Variants in SUGCT observed in about 807,000 individuals in gnomAD.
SUGCT encodes succinyl-CoA:glutarate CoA-transferase.
Under a neutral mutation model 55.0 loss-of-function variants are expected in SUGCT, and 41 were observed. That is an observed-to-expected ratio of 0.74 (90% CI 0.58 to 0.97). The LOEUF (loss-of-function observed/expected upper bound fraction) is 0.97. SUGCT is among the 50% of genes least tolerant of loss of function. SUGCT has a pLI of 0.00. For missense variants in SUGCT, 568 were observed against 547.8 expected (o/e 1.04, Z -0.37); for synonymous variants, 187 against 200.4 (o/e 0.93, Z 0.56).
intron 12 of SUGCT, among the ~76,000 whole-genome samples, chr7:40,644,861 C>T (rs1347644652): frequency 4.6e-5 from 7 of 152,172 alleles, no homozygotes; most frequent in East Asian, 3.9e-4. Context: ...AGTTGCTTTG[C>T]GAGCCCAGCC....
At chr7:40,276,616 T>G (rs1792500159) in intron 8 of SUGCT, among the ~76,000 whole-genome samples, 1 of 152,172 alleles carries the variant, frequency 6.6e-6, no homozygotes, top group African/African-American at 2.4e-5. Flanking sequence ...ATGAGTATCA[T>G]AGAGTTTAAT....
chr7:40,424,045 A>G (rs903770784), intron 9 of SUGCT, among the ~76,000 whole-genome samples: 3 of 152,170 alleles, frequency 2.0e-5, no homozygotes, highest in Admixed American at 1.3e-4. Context: ...AAAGTGGTCA[A>G]TCTATCATAC....
At chr7:40,760,385 G>A (rs1788472794) in intron 13 of SUGCT, among the ~76,000 whole-genome samples, 1 of 152,262 alleles carries the variant, frequency 6.6e-6, no homozygotes, top group African/African-American at 2.4e-5. Context: ...GGTACTTAGA[G>A]TAGTCAAGGT....
chr7:40,858,627 G>C (rs1794322692), intron 13 of SUGCT, among the ~76,000 whole-genome samples: 1 of 152,252 alleles, frequency 6.6e-6, no homozygotes, highest in South Asian at 2.1e-4. Flanking sequence ...AGAGAGCAAT[G>C]AGTAAGGGTC....
the SUGCT span, among the ~76,000 whole-genome samples, chr7:40,995,766 C>G: frequency 6.6e-6 from 1 of 152,140 alleles, no homozygotes; most frequent in Non-Finnish European, 1.5e-5. Flanking sequence ...CCCTGGCAAT[C>G]CACCTACAGG....
At chr7:40,136,654 C>A (rs1357308110) in intron 1 of SUGCT, among the ~76,000 whole-genome samples, 2 of 152,154 alleles carry the variant, frequency 1.3e-5, no homozygotes, top group African/African-American at 4.8e-5. Context: ...TTATTAAATA[C>A]AGTAGTTCTG....
intron 1 of SUGCT, among the ~76,000 whole-genome samples, chr7:40,147,261 T>C (rs1788299168): frequency 6.6e-6 from 1 of 151,576 alleles, no homozygotes; most frequent in Admixed American, 6.6e-5. Flanking sequence ...ACTGGAGGTT[T>C]GTGTGAGGTT....
chr7:41,021,075 G>A, the SUGCT span, among the ~76,000 whole-genome samples: 7 of 152,220 alleles, frequency 4.6e-5, no homozygotes, highest in Non-Finnish European at 1.0e-4. Flanking sequence ...CAGAAAAGCT[G>A]CCTTGACCAA....
chr7:40,341,441 G>A (rs750367349), intron 9 of SUGCT, among the ~76,000 whole-genome samples: 10 of 152,146 alleles, frequency 6.6e-5, no homozygotes, highest in Non-Finnish European at 1.3e-4. Context: ...GAATGTATGC[G>A]CCTGCTGTTG....
chr7:40,922,194 G>A, the SUGCT span, among the ~76,000 whole-genome samples: 2 of 152,116 alleles, frequency 1.3e-5, no homozygotes, highest in African/African-American at 4.8e-5. Context: ...CTTCCAAATC[G>A]GACTATGTCT....
chr7:40,318,480 A>G (rs1234297569), intron 9 of SUGCT, among the ~76,000 whole-genome samples: 1 of 152,250 alleles, frequency 6.6e-6, no homozygotes, highest in African/African-American at 2.4e-5. Flanking sequence ...TCTGTTGCCT[A>G]TGTGGGTGTG....
At chr7:40,437,394 T>C (rs189665932) in intron 9 of SUGCT, among the ~76,000 whole-genome samples, 127 of 152,320 alleles carry the variant, frequency 8.3e-4, no homozygotes, top group African/African-American at 2.9e-3. Context: ...CAGTATATAA[T>C]GTTGCTTTCA....
intron 7 of SUGCT, among the ~76,000 whole-genome samples, chr7:40,242,675 G>A (rs1789488397): frequency 6.6e-6 from 1 of 151,604 alleles, no homozygotes; most frequent in African/African-American, 2.4e-5. Context: ...TTACGATGTA[G>A]TAAATAGTCC....
chr7:40,623,403 C>G (rs1799367820), intron 12 of SUGCT, among the ~76,000 whole-genome samples: 1 of 152,106 alleles, frequency 6.6e-6, no homozygotes, highest in Non-Finnish European at 1.5e-5. Context: ...TGGACTCTGC[C>G]CTTAATTTCA....
intron 8 of SUGCT, among the ~76,000 whole-genome samples, chr7:40,285,785 C>T (rs79702393): frequency 1.1e-4 from 16 of 152,118 alleles, no homozygotes; most frequent in South Asian, 2.1e-4. Context: ...ATTGGTTTGT[C>T]GGCTAGAGTC....
At chr7:40,466,009 G>C (rs1790089449) in intron 11 of SUGCT, among the ~76,000 whole-genome samples, 1 of 152,068 alleles carries the variant, frequency 6.6e-6, no homozygotes, top group Admixed American at 6.6e-5. Flanking sequence ...AGTCTCCCAA[G>C]TAGCTAAAAC....
At chr7:40,406,525 A>T (rs1786380325) in intron 9 of SUGCT, among the ~76,000 whole-genome samples, 1 of 152,168 alleles carries the variant, frequency 6.6e-6, no homozygotes, top group Non-Finnish European at 1.5e-5. Context: ...GGCAACTTGG[A>T]GGTTAGAAGC....
At chr7:41,003,123 A>G in the SUGCT span, among the ~76,000 whole-genome samples, 1 of 152,222 alleles carries the variant, frequency 6.6e-6, no homozygotes, top group Non-Finnish European at 1.5e-5. Context: ...AACTTAATAA[A>G]TGTCGGTGCG....
At chr7:40,702,534 C>G (rs1281597153) in intron 12 of SUGCT, among the ~76,000 whole-genome samples, 1 of 152,170 alleles carries the variant, frequency 6.6e-6, no homozygotes, top group Non-Finnish European at 1.5e-5. Context: ...TTCGTGTGCT[C>G]AGCAATGATG....
Sources: allele counts gnomAD v4.1 joint callset (sites outside exome capture counted in the v4.1 genomes callset), GRCh38; gene constraint gnomAD v4.1.1; transcripts MANE v1.5; gene names NCBI Gene and HGNC (gene_info 2026-07-23, HGNC 2026-07-21).